Variants in CYP2J2 observed in about 807,000 individuals in gnomAD.
CYP2J2 encodes the protein cytochrome P450 family 2 subfamily J member 2.
In CYP2J2, 41 loss-of-function variants were observed where a neutral mutation model predicts 48.8. That is an observed-to-expected ratio of 0.84 (90% confidence interval 0.66 to 1.09). CYP2J2 has a LOEUF of 1.09. Among genes scored for constraint, CYP2J2 ranks in the 50% least tolerant of loss-of-function variants. CYP2J2 has a pLI of 0.00. For synonymous variants in CYP2J2, 221 were observed against 227.1 expected (o/e 0.97, Z 0.24); for missense variants, 644 against 617.3 (o/e 1.04, Z -0.46).
intron 1 of CYP2J2, among the ~76,000 whole-genome samples, chr1:59,916,538 A>G (rs1018348357): frequency 6.6e-6 from 1 of 152,166 alleles, no homozygotes; most frequent in Non-Finnish European, 1.5e-5. Flanking sequence ...GTTCGAGACC[A>G]GTCTGGGCAA....
chr1:59,943,455 G>A, the CYP2J2 span, among the ~76,000 whole-genome samples: 1 of 152,336 alleles, frequency 6.6e-6, no homozygotes, highest in African/African-American at 2.4e-5. Flanking sequence ...TACGGATGGA[G>A]AGAGAGGAAT....
chr1:59,944,113 T>A, the CYP2J2 span, among the ~76,000 whole-genome samples: 1 of 152,184 alleles, frequency 6.6e-6, no homozygotes, highest in Non-Finnish European at 1.5e-5. Context: ...ATGTATAGAT[T>A]TCTATAGTTT....
chr1:59,943,531 G>A, the CYP2J2 span, among the ~76,000 whole-genome samples: 2 of 152,328 alleles, frequency 1.3e-5, no homozygotes, highest in Middle Eastern at 3.4e-3. Context: ...AGGTAAACAA[G>A]TCCAGGAAAG....
At chr1:59,967,331 T>C in the CYP2J2 span, among the ~76,000 whole-genome samples, 2 of 152,206 alleles carry the variant, frequency 1.3e-5, no homozygotes, top group Admixed American at 1.3e-4. Context: ...TGAGTCAGTG[T>C]TTAACAGAGC....
chr1:59,955,142 A>AAAATAAATAAATAAAT, the CYP2J2 span, among the ~76,000 whole-genome samples: 285 of 145,816 alleles, frequency 2.0e-3, 1 homozygote, highest in African/African-American at 5.2e-3. Context: ...CTCCAAAATT[A>AAAATAAATAAATAAAT]AAATAAATAA....
At chr1:59,907,948 T>A in intron 5 of CYP2J2, 21 bp from the exon 6 acceptor site, 1 of 1,613,082 alleles carries the variant, frequency 6.2e-7, no homozygotes. Flanking sequence ...CAATGTTTGA[T>A]GTTATTTATT....
At chr1:59,932,351 A>G in the CYP2J2 span, among the ~76,000 whole-genome samples, 2 of 152,140 alleles carry the variant, frequency 1.3e-5, no homozygotes, top group Non-Finnish European at 2.9e-5. Flanking sequence ...TTTCTATAAG[A>G]TATAAAATAA....
At chr1:59,900,909 G>A in intron 8 of CYP2J2, 56 bp downstream of exon 8, 2 of 1,581,646 alleles carry the variant, frequency 1.3e-6, no homozygotes, top group Non-Finnish European at 1.7e-6. Flanking sequence ...GGAGAGAGCA[G>A]GGGAGGGCTG....
chr1:59,912,213 G>A lies in CYP2J2; in HGVS notation c.472C>T (p.Arg158Cys), dbSNP rs56307989. Residue 158 changes from arginine (R) to cysteine (C), a missense_variant, in exon 3 of 9, where the codon CGC becomes TGC. Physicochemically the swap from Arg to Cys is radical, Grantham distance 180. Transcript: ENST00000371204. ...FGLGKKSLEE[R>C]IQEEAQHLTE... ...AGGTGTTGGGCCTCCTCCTGAATGC[G>A]TTCCTCTAAGCTCTTCTTTCCTAAA... 2.7e-5 allele frequency: 44 copies of A among 1,613,734 alleles called. No individual in the cohort carries two copies. The highest frequency in any genetic ancestry group is 1.7e-4 in the Admixed American group (10 of 59,968).
At chr1:59,904,782 A>T in intron 7 of CYP2J2, 89 bp downstream of exon 7, 1 of 1,145,854 alleles carries the variant, frequency 8.7e-7, no homozygotes, top group East Asian at 2.4e-5. Flanking sequence ...CTTCCATTTA[A>T]ATGATTCCTT....
At chr1:59,946,815 T>C in the CYP2J2 span, among the ~76,000 whole-genome samples, 1 of 152,192 alleles carries the variant, frequency 6.6e-6, no homozygotes, top group Non-Finnish European at 1.5e-5. Context: ...AATTTCTAAA[T>C]ATGAAGATAT....
chr1:59,914,638 TGATAA>T (rs1324655732), intron 2 of CYP2J2, among the ~76,000 whole-genome samples: 1 of 152,148 alleles, frequency 6.6e-6, no homozygotes, highest in African/African-American at 2.4e-5. Context: ...TCTCTAGTCT[TGATAA>T]ACCAGGGGCG....
chr1:59,930,914 A>C (rs1015307349), upstream of CYP2J2, among the ~76,000 whole-genome samples: 1 of 152,148 alleles, frequency 6.6e-6, no homozygotes, highest in African/African-American at 2.4e-5. Flanking sequence ...TGCAATCATA[A>C]AAGATGGCAT....
chr1:59,943,695 C>A, the CYP2J2 span, among the ~76,000 whole-genome samples: 1 of 151,474 alleles, frequency 6.6e-6, no homozygotes, highest in Admixed American at 6.6e-5. Flanking sequence ...TTTTTCCCCC[C>A]ACAAAGGGTT....
the CYP2J2 span, among the ~76,000 whole-genome samples, chr1:59,952,909 T>G: frequency 2.6e-5 from 4 of 152,186 alleles, no homozygotes; most frequent in Admixed American, 2.0e-4. Context: ...AAATGAATGG[T>G]TCGCTTTGCT....
chr1:59,900,268 A>G (rs1644305582), intron 8 of CYP2J2, among the ~76,000 whole-genome samples: 1 of 152,196 alleles, frequency 6.6e-6, no homozygotes, highest in Admixed American at 6.5e-5. Context: ...ATTATAAATC[A>G]GCTCTATTTC....
the CYP2J2 span, among the ~76,000 whole-genome samples, chr1:59,936,296 C>T: frequency 6.6e-6 from 1 of 152,170 alleles, no homozygotes. Flanking sequence ...AAAAATCAAA[C>T]CCATCTGTGC....
chr1:59,909,685 C>G (rs1644394547), intron 5 of CYP2J2, 99 bp downstream of exon 5: 2 of 811,062 alleles, frequency 2.5e-6, no homozygotes, highest in African/African-American at 1.8e-5. Flanking sequence ...CTATTTTAGG[C>G]ACCAAGTTTG....
At chr1:59,940,638 T>C in the CYP2J2 span, among the ~76,000 whole-genome samples, 1 of 152,202 alleles carries the variant, frequency 6.6e-6, no homozygotes, top group Admixed American at 6.5e-5. Context: ...TAAATAATTA[T>C]ATCAAAAAGA....
Sources: gnomAD v4.1 joint callset for allele counts (sites outside exome capture counted in the v4.1 genomes callset) on GRCh38, gnomAD v4.1.1 for gene constraint, MANE v1.5 for transcripts, NCBI Gene and HGNC (gene_info 2026-07-23, HGNC 2026-07-21) for gene names.